Variants in POLR2D observed in about 807,000 individuals in gnomAD.
POLR2D encodes the protein DNA-directed RNA polymerase II subunit RPB4.
POLR2D carries 10 observed loss-of-function variants against 17.6 expected under a neutral mutation model. The ratio of observed to expected loss-of-function variants is 0.57; its 90% CI spans 0.35 to 0.96. The LOEUF is 0.96. Among genes scored for constraint, POLR2D ranks in the 40% least tolerant of loss-of-function variants. The pLI is 0.02. For synonymous variants in POLR2D, 52 were observed against 60.2 expected, an observed-to-expected ratio of 0.86 and a Z score of 0.63; for missense variants, 126 against 176.4, an observed-to-expected ratio of 0.71 and a Z score of 1.62.
Position 127,858,074 on chromosome 2 carries a change from C to A in POLR2D, c.27G>T (p.Arg9=), listed in dbSNP as rs1404956276. 1 of 1,542,884 alleles carries A rather than the reference C, an allele frequency of 6.5e-7. No individual in the cohort carries two copies. The highest frequency in any genetic ancestry group is 1.2e-5 in the South Asian group (1 of 83,308). The stretch of plus-strand genomic sequence containing the variant: ...AGGCGTCCTCCTCTACGTCGCCAGC[C>A]CGCGGATCGCTGCCACCCGCCGCCA... The part of the protein sequence containing the change: MAAGGSDP[R]AGDVEEDASQ... Residue 9 remains arginine, a synonymous_variant, in exon 1 of 4, where the codon CGG becomes CGT. Transcript: ENST00000272645.
At chr2:127,850,983 G>A (rs1283440311) in intron 2 of POLR2D, among the ~76,000 whole-genome samples, 1 of 152,160 alleles carries the variant, frequency 6.6e-6, no homozygotes, top group Non-Finnish European at 1.5e-5. Context: ...CACTTTGGGA[G>A]GCCGAGGCGG....
intron 1 of POLR2D, chr2:127,856,842 G>A (rs1690341904): frequency 6.6e-6 from 1 of 151,944 alleles, no homozygotes; most frequent in South Asian, 2.1e-4. Context: ...TCGAGAACAG[G>A]CTGGCCAACA....
At chr2:127,855,603 A>T (rs1690314362) in intron 1 of POLR2D, among the ~76,000 whole-genome samples, 1 of 152,166 alleles carries the variant, frequency 6.6e-6, no homozygotes, top group Non-Finnish European at 1.5e-5. Flanking sequence ...ACTGTAACTC[A>T]GAGTGCCTAG....
Position 127,847,986 on chromosome 2 carries a change from T to G in POLR2D, c.*121A>C. 1.3e-6 allele frequency: 1 copy of G among 769,426 alleles called. No individual in the cohort carries two copies. The highest frequency in any genetic ancestry group is 2.6e-5 in the East Asian group (1 of 38,828). 47.7% of individuals were successfully genotyped at this position (769,426 alleles called of 1,614,324 possible). A position where few individuals can be genotyped will look rare whatever the true frequency, so the allele number is the denominator to read the frequency against. On this transcript the variant is annotated 3_prime_UTR_variant, in exon 4 of 4. Transcript: ENST00000272645. Reference sequence around the variant, plus strand: ...TAACCCCACGCCAAGCTGGGCTGTTTTCTCCAAAGGAATTCTCAACTGTCT... The same window carrying G: ...TAACCCCACGCCAAGCTGGGCTGTTGTCTCCAAAGGAATTCTCAACTGTCT...
chr2:127,857,791 C>T, intron 1 of POLR2D: 1 of 1,302,414 alleles, frequency 7.7e-7, no homozygotes. Context: ...CTTTGTTTAT[C>T]TTTGACACAG....
chr2:127,850,047 A>G (rs72965732), intron 3 of POLR2D, among the ~76,000 whole-genome samples: 49 of 152,288 alleles, frequency 3.2e-4, no homozygotes, highest in African/African-American at 1.2e-3. Context: ...GTTCTAATTA[A>G]CACTCACAAT....
chr2:127,843,908 G>C lies in POLR2D; in HGVS notation c.*4199C>G, dbSNP rs568480457. The C allele has an allele frequency of 6.5e-6, 1 of 153,476 alleles. No individual in the cohort carries two copies. Among genetic ancestry groups the C allele is most frequent in the East Asian group, 1.9e-4 (1 of 5,190 alleles). 9.5% of individuals were successfully genotyped at this position (153,476 alleles called of 1,614,324 possible). Reference sequence around the variant, plus strand: ...GGACTGCTAGAGGTCAGAAATTCCAGACCAGCCTGGGCAACATGGCGAAAC... The same window carrying C: ...GGACTGCTAGAGGTCAGAAATTCCACACCAGCCTGGGCAACATGGCGAAAC... On this transcript the variant is annotated 3_prime_UTR_variant, in exon 4 of 4. Coordinates refer to ENST00000272645, the MANE Select transcript of POLR2D (RefSeq NM_004805.4).
chr2:127,857,855 C>A, intron 1 of POLR2D, 173 bp downstream of exon 1: 1 of 1,325,380 alleles, frequency 7.5e-7, no homozygotes, highest in Non-Finnish European at 9.6e-7. Context: ...CCCAGGCGGT[C>A]CCTCCCAAGG....
Position 127,852,077 on chromosome 2 carries a change from C to A in POLR2D, c.254+848G>T, listed in dbSNP as rs1270275218. On this transcript the variant is annotated intron_variant, in intron 2 of 3. Transcript: ENST00000272645. The surrounding 1 kb of genome is among the most constrained non-coding windows in gnomAD (Gnocchi z 4.0). ...GTGCTGGAATTACAGGCATGAGCCA[C>A]TGCACCCGGCCAATCCCAGCACTTT... Among the ~76,000 whole-genome samples, 1 of 152,122 alleles carries A rather than the reference C, an allele frequency of 6.6e-6. No homozygotes were observed. Among genetic ancestry groups the A allele is most frequent in the African/African-American group, 2.4e-5 (1 of 41,418 alleles).
At chr2:127,857,718 C>CA (rs1428966486) in intron 1 of POLR2D, 1 of 893,544 alleles carries the variant, frequency 1.1e-6, no homozygotes, top group Non-Finnish European at 1.4e-6. Context: ...ACGCTGGGCT[C>CA]TTTTCCCTAG....
At chr2:127,853,550 C>G (rs970571358) in intron 1 of POLR2D, among the ~76,000 whole-genome samples, 1 of 151,258 alleles carries the variant, frequency 6.6e-6, no homozygotes, top group African/African-American at 2.4e-5. Flanking sequence ...GATATGATTT[C>G]GTTCTTTTAT....
At position 127,846,724 on chromosome 2, in the gene POLR2D, C is replaced by G; in HGVS notation, c.*1383G>C. The G allele has an allele frequency of 6.4e-6, 1 of 156,016 alleles. No homozygotes were observed. The highest frequency in any genetic ancestry group is 6.4e-5 in the Admixed American group (1 of 15,638). The allele number at this position is 156,016 out of a possible 1,614,324, so 9.7% of individuals were successfully genotyped here. ...AGTTTTTCTTCAGTCCTTAACAACTCCGCTCCTTATATGGGCTTTGGTGGA... is the reference window on the plus strand; with the variant it reads ...AGTTTTTCTTCAGTCCTTAACAACTGCGCTCCTTATATGGGCTTTGGTGGA... On this transcript the variant is annotated 3_prime_UTR_variant, in exon 4 of 4. Coordinates refer to ENST00000272645, the MANE Select transcript of POLR2D (RefSeq NM_004805.4).
At position 127,853,063 on chromosome 2, in the gene POLR2D, A is replaced by AT; in HGVS notation, c.115dup (p.Met39AsnfsTer11). On this transcript the variant is annotated frameshift_variant, in exon 2 of 4. Transcript: ENST00000272645. LOFTEE classifies it high-confidence loss of function. ...CTGCTGCTTTCGATGTTCCAGAAGC[A>AT]TATGAACTTCTGAATTTAGAAGTGT... The AT allele has an allele frequency of 6.2e-7, 1 of 1,613,846 alleles. No individual in the cohort carries two copies. The highest frequency in any genetic ancestry group is 8.5e-7 in the Non-Finnish European group (1 of 1,179,754).
chr2:127,857,006 A>G (rs935982944), intron 1 of POLR2D: 1 of 152,274 alleles, frequency 6.6e-6, no homozygotes, highest in Non-Finnish European at 1.5e-5. Context: ...ACTGCACCCC[A>G]GCCTGGGCAA....
intron 1 of POLR2D, among the ~76,000 whole-genome samples, chr2:127,853,308 G>C (rs1211284356): frequency 6.6e-6 from 1 of 152,122 alleles, no homozygotes; most frequent in Non-Finnish European, 1.5e-5. Context: ...TGTTGTGAAG[G>C]TTTGGCGAAC....
intron 1 of POLR2D, chr2:127,856,782 T>C (rs1451227041): frequency 6.6e-6 from 1 of 151,800 alleles, no homozygotes; most frequent in African/African-American, 2.4e-5. Context: ...ACATCAGTAA[T>C]CCCAGCACTC....
Position 127,856,603 on chromosome 2 carries a change from A to G in POLR2D, c.73+1425T>C, listed in dbSNP as rs984632372. Among the ~76,000 whole-genome samples, 31 of 151,360 alleles carry G rather than the reference A, an allele frequency of 2.0e-4. 1 individual carries two copies. Among genetic ancestry groups the G allele is most frequent in the Non-Finnish European group, 4.4e-4 (30 of 67,978 alleles). On this transcript the variant is annotated intron_variant, in intron 1 of 3. Coordinates refer to ENST00000272645, the MANE Select transcript of POLR2D (RefSeq NM_004805.4). ...CCCTATCTCAAAATAAAATTAAAAA[A>G]AAAATTAAAAAAAATAAATTAACAA... is the stretch of plus-strand genomic sequence containing the variant.
Position 127,846,481 on chromosome 2 carries a change from C to A in POLR2D, c.*1626G>T, listed in dbSNP as rs1305718941. On this transcript the variant is annotated 3_prime_UTR_variant, in exon 4 of 4. Transcript: ENST00000272645. ...TGTTTAGCTATTGAAGTGTTTTCCC[C>A]CAGACTGAGATCAAGTGACTTCACT... 2 of 151,986 alleles carry A rather than the reference C, an allele frequency of 1.3e-5. No homozygotes were observed. Among genetic ancestry groups the A allele is most frequent in the African/African-American group, 4.8e-5 (2 of 41,388 alleles). 9.4% of individuals were successfully genotyped at this position (151,986 alleles called of 1,614,324 possible). A position where few individuals can be genotyped will look rare whatever the true frequency, so the allele number is the denominator to read the frequency against.
chr2:127,857,878 C>T, intron 1 of POLR2D, 150 bp downstream of exon 1: 1 of 1,356,604 alleles, frequency 7.4e-7, no homozygotes, highest in Non-Finnish European at 9.5e-7. Flanking sequence ...ATGGTCCCTC[C>T]CAAGGCCATG....
Sources: allele counts gnomAD v4.1 joint callset (sites outside exome capture counted in the v4.1 genomes callset), GRCh38; gene constraint gnomAD v4.1.1; non-coding constraint Gnocchi (gnomAD v3.1); transcripts MANE v1.5; gene names NCBI Gene and HGNC (gene_info 2026-07-23, HGNC 2026-07-21).